Variants in RGS3 observed in about 807,000 individuals in gnomAD.
RGS3 encodes regulator of G-protein signalling 3.
A neutral mutation model predicts 132.6 loss-of-function variants in RGS3; 80 were observed. The ratio of observed to expected loss-of-function variants is 0.60; its 90% CI spans 0.50 to 0.73. The LOEUF is 0.73. RGS3 is among the 30% of genes least tolerant of loss of function. The pLI is 0.00. For missense variants in RGS3, 1,382 were observed against 1,530.8 expected (o/e 0.90, Z 1.62); for synonymous variants, 598 against 620.6 (o/e 0.96, Z 0.54).
chr9:113,587,804 A>G (rs1002797297), intron 20 of RGS3, among the ~76,000 whole-genome samples: 26 of 152,046 alleles, frequency 1.7e-4, no homozygotes. Context: ...AGAGAGGGAG[A>G]GCCCCCTGCC....
At chr9:113,448,547 G>A (rs561510529) in intron 1 of RGS3, among the ~76,000 whole-genome samples, 22 of 152,156 alleles carry the variant, frequency 1.4e-4, no homozygotes, top group Middle Eastern at 6.8e-3. Context: ...TCTGACCACT[G>A]TCAAGATGAA....
chr9:113,559,396 A>G (rs1435466991), intron 19 of RGS3, among the ~76,000 whole-genome samples: 1 of 152,194 alleles, frequency 6.6e-6, no homozygotes, highest in Middle Eastern at 3.2e-3. Context: ...TCAGACTGAT[A>G]CTGCTGAGGT....
chr9:113,508,697 T>C (rs1831261079), intron 14 of RGS3, 117 bp downstream of exon 12: 1 of 957,660 alleles, frequency 1.0e-6, no homozygotes, highest in Admixed American at 1.9e-5. Context: ...GTCAGGTCAC[T>C]TAGCCTATCG....
chr9:113,578,874 C>G (rs1334084462), intron 19 of RGS3, among the ~76,000 whole-genome samples: 1 of 152,172 alleles, frequency 6.6e-6, no homozygotes, highest in African/African-American at 2.4e-5. Context: ...CCTTAGGTCT[C>G]TGGCACAGGA....
At position 113,553,453 on chromosome 9, in the gene RGS3, AAAAAAAATATATAT is replaced by A. The variant is rs1250118806; in HGVS notation, c.2037+16537_2037+16550del. ...GGGAAACTCTGTTTAAAAAAAAAAA[AAAAAAAATATATAT>A]ATATATATATATATATATATATATG... On this transcript the variant is annotated intron_variant, in intron 19 of 24. Coordinates refer to ENST00000350696, the Ensembl canonical transcript of RGS3. Among the ~76,000 whole-genome samples, 133 of 104,546 alleles carry A rather than the reference AAAAAAAATATATAT, an allele frequency of 1.3e-3. 2 individuals carry two copies. The highest frequency in any genetic ancestry group is 4.9e-3 in the African/African-American group (126 of 25,940). 68.6% of individuals were successfully genotyped at this position (104,546 alleles called of 152,430 possible).
intron 19 of RGS3, among the ~76,000 whole-genome samples, chr9:113,550,963 T>C (rs1833315817): frequency 6.6e-6 from 1 of 152,246 alleles, no homozygotes; most frequent in Non-Finnish European, 1.5e-5. Flanking sequence ...AGAGTAGTTT[T>C]ATTGAGATTT....
At chr9:113,536,665 G>T (rs1025967782) in intron 18 of RGS3, 131 bp from the exon 17 acceptor site, 3 of 1,499,520 alleles carry the variant, frequency 2.0e-6, no homozygotes, top group Non-Finnish European at 2.7e-6. Context: ...GTGCATTTGC[G>T]GCTTTTGGCG....
At position 113,451,188 on chromosome 9, in the gene RGS3, GA is replaced by G. The variant is rs1204091741; in HGVS notation, c.-13+6275del. 8.1e-3 allele frequency among the ~76,000 whole-genome samples: 878 copies of G among 108,416 alleles called. 3 individuals are homozygous for G. The highest frequency in any genetic ancestry group is 0.011 in the Non-Finnish European group (542 of 50,802). The allele number at this position is 108,416 out of a possible 152,430, so 71.1% of individuals were successfully genotyped here. ...TGCAAGACTCCGTCTCAAAAAAAAA[GA>G]AAAAAAAAAAAAAGGTGGGGGCAGG... On this transcript the variant is annotated intron_variant, in intron 1 of 25. Transcript: ENST00000374140.
At chr9:113,574,141 A>G (rs925362637) in intron 19 of RGS3, among the ~76,000 whole-genome samples, 10 of 152,068 alleles carry the variant, frequency 6.6e-5, no homozygotes, top group Admixed American at 5.9e-4. Context: ...TCTCTCCCCT[A>G]TCTTTGTCAT....
intron 1 of RGS3, among the ~76,000 whole-genome samples, chr9:113,445,188 C>CTTTTTTTTTTT (rs763073048): frequency 7.0e-6 from 1 of 142,984 alleles, no homozygotes; most frequent in Non-Finnish European, 1.5e-5. Context: ...TTTTCTTTTT[C>CTTTTTTTTTTT]TTTTTTTTTT....
At chr9:113,456,852 G>A (rs1829372757), upstream of RGS3, among the ~76,000 whole-genome samples, 1 of 152,052 alleles carries the variant, frequency 6.6e-6, no homozygotes, top group African/African-American at 2.4e-5. Flanking sequence ...CCAGACTGGA[G>A]TACAATGCGA....
rs138473711 is a variant in RGS3, at chr9:113,548,714, G to A, written c.2037+11796G>A. 1.6e-3 allele frequency among the ~76,000 whole-genome samples: 242 copies of A among 152,238 alleles called. 2 individuals are homozygous for A. Among genetic ancestry groups the A allele is most frequent in the African/African-American group, 4.8e-3 (198 of 41,524 alleles). ...ACAGGCGAGGAGGCCCTGGAGGCCC[G>A]GAGAGCAGAAAGCACTGGCTGGTGT... is the stretch of plus-strand genomic sequence containing the variant. On this transcript the variant is annotated intron_variant, in intron 19 of 24. Transcript: ENST00000350696.
At chr9:113,545,537 T>C (rs1833072542) in intron 19 of RGS3, among the ~76,000 whole-genome samples, 1 of 152,222 alleles carries the variant, frequency 6.6e-6, no homozygotes, top group Non-Finnish European at 1.5e-5. Flanking sequence ...TTCGCTGTCT[T>C]GCTCTTGGTC....
intron 15 of RGS3, among the ~76,000 whole-genome samples, chr9:113,515,508 G>T (rs1831609821): frequency 6.6e-6 from 1 of 152,050 alleles, no homozygotes; most frequent in Admixed American, 6.6e-5. Context: ...GCAGGCGCCT[G>T]TAATCCCAGC....
chr9:113,474,832 GCATGGGCTCCCACTGGGACA>G (rs1423063582), intron 3 of RGS3, among the ~76,000 whole-genome samples: 5 of 152,196 alleles, frequency 3.3e-5, no homozygotes, highest in Non-Finnish European at 5.9e-5. Flanking sequence ...TCTCAGGGTG[GCATGGGCTCCCACTGGGACA>G]CATTCCGGCT....
chr9:113,478,127 C>T (rs1830051391), intron 3 of RGS3, among the ~76,000 whole-genome samples: 1 of 152,034 alleles, frequency 6.6e-6, no homozygotes, highest in African/African-American at 2.4e-5. Flanking sequence ...TGGGAAAAGC[C>T]AGGGGATAAA....
chr9:113,490,684 TATA>T (rs1830479255), intron 7 of RGS3, among the ~76,000 whole-genome samples: 2 of 143,590 alleles, frequency 1.4e-5, no homozygotes. Context: ...ATATATAAAA[TATA>T]ATATATTATA....
intron 3 of RGS3, among the ~76,000 whole-genome samples, chr9:113,466,393 G>A (rs1829645106): frequency 6.6e-6 from 1 of 152,196 alleles, no homozygotes; most frequent in South Asian, 2.1e-4. Context: ...AATATAAAGA[G>A]ACAAAACTGT....
intron 11 of RGS3, 41 bp downstream of exon 9, chr9:113,505,564 C>A: frequency 6.7e-7 from 1 of 1,487,882 alleles, no homozygotes; most frequent in Non-Finnish European, 9.4e-7. Flanking sequence ...ACTTGCCCAC[C>A]ACACATGTGG....
Sources: gnomAD v4.1 joint callset for allele counts (sites outside exome capture counted in the v4.1 genomes callset) on GRCh38, gnomAD v4.1.1 for gene constraint, MANE v1.5 for transcripts, NCBI Gene and HGNC (gene_info 2026-07-23, HGNC 2026-07-21) for gene names.